EXOC3L2: variants seen among roughly 807,000 people sequenced by gnomAD.
EXOC3L2 encodes exocyst complex component 3 like 2.
A neutral mutation model predicts 44.4 loss-of-function variants in EXOC3L2; 17 were observed. The ratio of observed to expected loss-of-function variants is 0.38; its 90% CI spans 0.26 to 0.57. EXOC3L2 has a LOEUF of 0.57. Among genes scored for constraint, EXOC3L2 ranks in the 20% least tolerant of loss-of-function variants. The pLI is 0.65. For missense variants in EXOC3L2, 541 were observed against 588.4 expected (o/e 0.92, Z 0.83); for synonymous variants, 256 against 253.7 (o/e 1.01, Z -0.09).
At chr19:45,241,578 C>T (rs1445496980) in intron 1 of EXOC3L2, among the ~76,000 whole-genome samples, 3 of 152,104 alleles carry the variant, frequency 2.0e-5, no homozygotes, top group Non-Finnish European at 4.4e-5. Context: ...AAAGCTGAGG[C>T]CTCTCACCAC....
At chr19:45,233,108 C>A (rs1045025519) in intron 3 of EXOC3L2, among the ~76,000 whole-genome samples, 2 of 152,002 alleles carry the variant, frequency 1.3e-5, no homozygotes, top group Non-Finnish European at 2.9e-5. Flanking sequence ...CCCAGCTACT[C>A]GGGAGGCTGA....
chr19:45,227,972 A>G lies in EXOC3L2; in HGVS notation c.1472+2T>C. On this transcript the variant is annotated splice_donor_variant, in intron 6 of 11. Transcript: ENST00000413988. LOFTEE classifies it high-confidence loss of function. The stretch of plus-strand genomic sequence containing the variant: ...CTAACCTGTGCTCCCAGGTTCCCCT[A>G]CCTCTGCAGGAACTCTGCCAGCCCG... The G allele has an allele frequency of 1.9e-6, 3 of 1,612,994 alleles. No individual in the cohort carries two copies. The highest frequency in any genetic ancestry group is 1.1e-5 in the South Asian group (1 of 91,032).
At chr19:45,223,563 A>G (rs113045530) in intron 8 of EXOC3L2, among the ~76,000 whole-genome samples, 13,184 of 149,338 alleles carry the variant, frequency 0.088, 787 homozygotes, top group African/African-American at 0.16. Flanking sequence ...GGCTGGTCTC[A>G]AACTCCTGAC....
Position 45,213,317 on chromosome 19 carries a change from G to A in EXOC3L2, c.2161C>T (p.Arg721Cys), listed in dbSNP as rs545279176. The change falls in exon 12 of 12, where the codon CGC (arginine) becomes TGC (cysteine). Residue 721 changes from arginine to cysteine, a missense_variant. Physicochemically the swap from Arg to Cys is radical, Grantham distance 180. Transcript: ENST00000413988. Reference sequence around the variant, plus strand: ...ATCTCCTGGCGGGCGGCTGTGTTGCGCAGGCCACGGATGTCGAGGAGGGCT... The same window carrying A: ...ATCTCCTGGCGGGCGGCTGTGTTGCACAGGCCACGGATGTCGAGGAGGGCT... Reference protein sequence around the residue: ...VAALLDIRGLRNTAARQEILA... With the variant: ...VAALLDIRGLCNTAARQEILA... 1.7e-5 allele frequency: 28 copies of A among 1,613,694 alleles called. No individual in the cohort carries two copies. Among genetic ancestry groups the A allele is most frequent in the South Asian group, 2.2e-5 (2 of 91,048 alleles).
Position 45,213,014 on chromosome 19 carries a change from G to A in EXOC3L2, c.*55C>T, listed in dbSNP as rs902134118. The stretch of plus-strand genomic sequence containing the variant: ...GAGTCAGGAGGGGCGCCGTACGGGA[G>A]GTTGGCTTGTCAGCAGCATAGATGG... On this transcript the variant is annotated 3_prime_UTR_variant, in exon 12 of 12. Transcript: ENST00000413988. 4 of 1,426,554 alleles carry A rather than the reference G, an allele frequency of 2.8e-6. No individual in the cohort carries two copies. The highest frequency in any genetic ancestry group is 3.7e-6 in the Non-Finnish European group (4 of 1,095,656). 88.4% of individuals were successfully genotyped at this position (1,426,554 alleles called of 1,614,324 possible).
intron 3 of EXOC3L2, among the ~76,000 whole-genome samples, chr19:45,232,609 G>A (rs1036266528): frequency 4.6e-5 from 7 of 152,128 alleles, no homozygotes; most frequent in African/African-American, 1.7e-4. Flanking sequence ...TTTCTCTGGG[G>A]TAGACAGGTG....
rs1281795567 is a variant in EXOC3L2, at chr19:45,238,579, G to A, written c.467C>T (p.Ala156Val). The change falls in exon 2 of 12, where the codon GCT (alanine) becomes GTT (valine). Residue 156 changes from alanine to valine, a missense_variant. Physicochemically the swap from Ala to Val is moderately conservative, Grantham distance 64 (BLOSUM62 0). Coordinates refer to ENST00000413988, the MANE Select transcript of EXOC3L2 (RefSeq NM_001382422.1). This position sits in a 1 kb window ranked among gnomAD's most constrained non-coding sequence, Gnocchi z 5.5. ...AERVVPAGEAAPEPPPKVPEP... is the reference protein window; with the variant it reads ...AERVVPAGEAVPEPPPKVPEP... ...TGGGACCTTGGGTGGGGGCTCTGGA[G>A]CTGCCTCGCCTGCAGGCACCACTCT... The A allele has an allele frequency of 1.0e-5, 4 of 399,748 alleles. No homozygotes were observed. The East Asian group carries it at 1.1e-4, about 11-fold the overall frequency. The allele number at this position is 399,748 out of a possible 1,614,324, so 24.8% of individuals were successfully genotyped here.
Position 45,227,583 on chromosome 19 carries a change from C to T in EXOC3L2, c.1583+79G>A, listed in dbSNP as rs986760862. The T allele has an allele frequency of 7.1e-6, 9 of 1,264,848 alleles. No individual in the cohort carries two copies. In the African/African-American group the frequency reaches 1.0e-4, roughly 14 times the overall value. The allele number at this position is 1,264,848 out of a possible 1,614,324, so 78.4% of individuals were successfully genotyped here. A position where few individuals can be genotyped will look rare whatever the true frequency, so the allele number is the denominator to read the frequency against. ...ACTCCCCTGAGTCAGTTCTGCAATCCCCACCCAGGATCCGGGCATCCCAGG... is the reference window on the plus strand; with the variant it reads ...ACTCCCCTGAGTCAGTTCTGCAATCTCCACCCAGGATCCGGGCATCCCAGG... On this transcript the variant is annotated intron_variant, in intron 7 of 11. Coordinates refer to ENST00000413988, the MANE Select transcript of EXOC3L2 (RefSeq NM_001382422.1).
rs1970058063 is a variant in EXOC3L2, at chr19:45,234,131, G to A, written c.1157+62C>T. 2.6e-6 allele frequency: 1 copy of A among 383,158 alleles called. No individual in the cohort carries two copies. Among genetic ancestry groups the A allele is most frequent in the Admixed American group, 4.5e-5 (1 of 22,232 alleles). 23.7% of individuals were successfully genotyped at this position (383,158 alleles called of 1,614,324 possible). Reference sequence around the variant, plus strand: ...CCCAAGGTCCTTAAGGTCTGAAGAAGCCAGTGCTAGGGGGTAGGGCTGAGG... The same window carrying A: ...CCCAAGGTCCTTAAGGTCTGAAGAAACCAGTGCTAGGGGGTAGGGCTGAGG... On this transcript the variant is annotated intron_variant, in intron 3 of 11. Coordinates refer to ENST00000413988, the MANE Select transcript of EXOC3L2 (RefSeq NM_001382422.1). This position sits in a 1 kb window ranked among gnomAD's most constrained non-coding sequence, Gnocchi z 5.0.
chr19:45,217,465 AT>A, intron 10 of EXOC3L2, 62 bp downstream of exon 10: 1 of 1,461,520 alleles, frequency 6.8e-7, no homozygotes, highest in South Asian at 1.4e-5. Context: ...GGGACCTGAG[AT>A]TCTCGGAAGC....
rs1969789996 is a variant in EXOC3L2, at chr19:45,212,867, T to C, written c.*202A>G. The C allele has an allele frequency of 3.7e-6, 2 of 541,222 alleles. No individual in the cohort carries two copies. Among genetic ancestry groups the C allele is most frequent in the Non-Finnish European group, 6.0e-6 (2 of 332,802 alleles). The allele number at this position is 541,222 out of a possible 1,614,324, so 33.5% of individuals were successfully genotyped here. A position where few individuals can be genotyped will look rare whatever the true frequency, so the allele number is the denominator to read the frequency against. On this transcript the variant is annotated 3_prime_UTR_variant, in exon 12 of 12. Transcript: ENST00000413988. ...CTCCGGCCTCAGCCTCCCAAAGTGT[T>C]GGGATTACAGGCATGAGCCACCGTG...
At chr19:45,243,732 G>A (rs998427509) in intron 1 of EXOC3L2, among the ~76,000 whole-genome samples, 2 of 151,826 alleles carry the variant, frequency 1.3e-5, no homozygotes, top group Non-Finnish European at 2.9e-5. Flanking sequence ...GGGTTCAAGC[G>A]ATTTCTCCTG....
Position 45,236,806 on chromosome 19 carries a change from G to C in EXOC3L2, c.523+1717C>G, listed in dbSNP as rs149408810. On this transcript the variant is annotated intron_variant, in intron 2 of 11. Coordinates refer to ENST00000413988, the MANE Select transcript of EXOC3L2 (RefSeq NM_001382422.1). ...GAGATCAGGAGTTCAAGACCAGCCT[G>C]GCCAACATGGCAAAACCCCATCTCT... Among the ~76,000 whole-genome samples, 739 of 151,972 alleles carry C rather than the reference G, an allele frequency of 4.9e-3. 16 individuals are homozygous for C. Among genetic ancestry groups the C allele is most frequent in the East Asian group, 0.034 (176 of 5,138 alleles).
At position 45,228,186 on chromosome 19, in the gene EXOC3L2, G is replaced by T; in HGVS notation, c.1350C>A (p.Ser450Arg). 1 of 1,614,140 alleles carries T rather than the reference G, an allele frequency of 6.2e-7. No homozygotes were observed. The highest frequency in any genetic ancestry group is 2.2e-5 in the East Asian group (1 of 44,874). ...CTACCTCACACACATCCTGGGCCAG[G>T]CTGCTGGGCTGGTCCTCCAGGCTCC... ...HWGSLEDQPS[S>R]LAQDVCELLE... The change falls in exon 5 of 12, where the codon AGC (serine) becomes AGA (arginine). Residue 450 changes from serine to arginine, a missense_variant. Transcript: ENST00000413988.
chr19:45,224,948 C>G (rs1223520104), intron 7 of EXOC3L2, 35 bp from the exon 8 acceptor site: 1 of 1,490,772 alleles, frequency 6.7e-7, no homozygotes, highest in Non-Finnish European at 9.0e-7. Flanking sequence ...CTGAGGGACC[C>G]CAACATCTCA....
At chr19:45,244,960 C>G (rs1970157986) in intron 1 of EXOC3L2, among the ~76,000 whole-genome samples, 1 of 151,840 alleles carries the variant, frequency 6.6e-6, no homozygotes, top group Non-Finnish European at 1.5e-5. Context: ...TCTCCGAGAC[C>G]CCATCTCTTG....
At chr19:45,217,484 T>C (rs1392789885) in intron 10 of EXOC3L2, 44 bp downstream of exon 10, 4 of 1,522,856 alleles carry the variant, frequency 2.6e-6, no homozygotes, top group Admixed American at 2.1e-5. Context: ...AGCCAAGCCT[T>C]GTCCTGGTTT....
At chr19:45,218,158 T>TGGCG in intron 9 of EXOC3L2, 39 bp downstream of exon 9, 2 of 1,034,904 alleles carry the variant, frequency 1.9e-6, no homozygotes, top group Non-Finnish European at 2.7e-6. Flanking sequence ...TCCCCTCTTT[T>TGGCG]CCCCCACCCC....
In EXOC3L2 at chr19:45,213,092, C is replaced by A. The variant is rs1437155376; in HGVS notation, c.2386G>T (p.Ala796Ser). 6.6e-7 allele frequency: 1 copy of A among 1,520,738 alleles called. No homozygotes were observed. The highest frequency in any genetic ancestry group is 8.8e-7 in the Non-Finnish European group (1 of 1,139,224). The allele number at this position is 1,520,738 out of a possible 1,614,324, so 94.2% of individuals were successfully genotyped here. Reference sequence around the variant, plus strand: ...CCTCAGCGCTGGGCCCGAGGTCGCGCTAGAGACGGAGGCCGGGGCCGAGGC... The same window carrying A: ...CCTCAGCGCTGGGCCCGAGGTCGCGATAGAGACGGAGGCCGGGGCCGAGGC... ...CLPRPRPPSL[A>S]RPRAQR Residue 796 changes from alanine (A) to serine (S), a missense_variant, in exon 12 of 12, where the codon GCG becomes TCG. Physicochemically the swap from Ala to Ser is moderately conservative, Grantham distance 99. Coordinates refer to ENST00000413988, the MANE Select transcript of EXOC3L2 (RefSeq NM_001382422.1).
Sources: allele counts gnomAD v4.1 joint callset (sites outside exome capture counted in the v4.1 genomes callset), GRCh38; gene constraint gnomAD v4.1.1; non-coding constraint Gnocchi (gnomAD v3.1); transcripts MANE v1.5; gene names NCBI Gene and HGNC (gene_info 2026-07-23, HGNC 2026-07-21).